Variants in LZTFL1 observed in about 807,000 individuals in gnomAD.
LZTFL1 encodes leucine zipper transcription factor like 1.
In LZTFL1, 25 loss-of-function variants were observed where a neutral mutation model predicts 45.9. The observed-to-expected ratio is 0.54, with a 90% CI of 0.40 to 0.76. The LOEUF is 0.76. LZTFL1 is among the 30% of genes least tolerant of loss of function. LZTFL1 has a pLI of 0.00. For missense variants in LZTFL1, 277 were observed against 331.1 expected (o/e 0.84, Z 1.27); for synonymous variants, 93 against 117.4 (o/e 0.79, Z 1.35).
chr3:45,856,677 C>T (rs1199508264), intron 3 of LZTFL1, among the ~76,000 whole-genome samples: 1 of 151,848 alleles, frequency 6.6e-6, no homozygotes, highest in African/African-American at 2.4e-5. Context: ...AACTTAAATA[C>T]ATTTACAAGA....
At chr3:45,899,915 A>T (rs1187629538) in intron 2 of LZTFL1, among the ~76,000 whole-genome samples, 1 of 152,054 alleles carries the variant, frequency 6.6e-6, no homozygotes, top group African/African-American at 2.4e-5. Context: ...AAAGTGTAAG[A>T]AGTGTGTGTG....
intron 2 of LZTFL1, among the ~76,000 whole-genome samples, chr3:45,909,580 C>A (rs1702750716): frequency 6.6e-6 from 1 of 152,208 alleles, no homozygotes; most frequent in Non-Finnish European, 1.5e-5. Flanking sequence ...AAAACTCATG[C>A]TCTTATCCTT....
intron 2 of LZTFL1, among the ~76,000 whole-genome samples, chr3:45,876,149 G>C (rs529440570): frequency 6.6e-6 from 1 of 152,288 alleles, no homozygotes; most frequent in East Asian, 1.9e-4. Flanking sequence ...CCTGGACCAG[G>C]GTGGGAATCA....
At position 45,826,346 on chromosome 3, in the gene LZTFL1, T is replaced by C; in HGVS notation, c.882-14A>G. On this transcript the variant is annotated splice_polypyrimidine_tract_variant and intron_variant, in intron 9 of 9. Transcript: ENST00000296135. Reference sequence around the variant, plus strand: ...TCAGGTTCATATCTGGAGATATAAATTAAGAACACAATGTCAGGATACCTT... The same window carrying C: ...TCAGGTTCATATCTGGAGATATAAACTAAGAACACAATGTCAGGATACCTT... The C allele has an allele frequency of 6.2e-7, 1 of 1,607,172 alleles. No individual in the cohort carries two copies. The highest frequency in any genetic ancestry group is 8.5e-7 in the Non-Finnish European group (1 of 1,174,510).
At chr3:45,897,016 G>C (rs1702377507) in intron 2 of LZTFL1, among the ~76,000 whole-genome samples, 1 of 152,180 alleles carries the variant, frequency 6.6e-6, no homozygotes, top group Non-Finnish European at 1.5e-5. Context: ...GGACGCCTGG[G>C]CTGCTGCTTC....
chr3:45,876,928 C>A (rs1701756672), intron 2 of LZTFL1, among the ~76,000 whole-genome samples: 1 of 152,080 alleles, frequency 6.6e-6, no homozygotes, highest in South Asian at 2.1e-4. Flanking sequence ...AACTATTCCC[C>A]CAGCCTTCCT....
chr3:45,894,954 A>G, intron 2 of LZTFL1: 1 of 1,613,930 alleles, frequency 6.2e-7, no homozygotes, highest in Non-Finnish European at 8.5e-7. Context: ...CAGACTTCAC[A>G]GTGAGTACAG....
intron 1 of LZTFL1, among the ~76,000 whole-genome samples, chr3:45,841,419 C>A (rs965391987): frequency 2.0e-5 from 3 of 152,158 alleles, no homozygotes; most frequent in African/African-American, 7.2e-5. Flanking sequence ...ACCCAAATTC[C>A]TCAGCTGTAA....
Position 45,900,860 on chromosome 3 carries a change from C to A in LZTFL1, c.-215+12260G>T, listed in dbSNP as rs1257545282. On this transcript the variant is annotated intron_variant, in intron 2 of 4. Coordinates refer to the LZTFL1 transcript ENST00000472635. This position sits in a 1 kb window ranked among gnomAD's most constrained non-coding sequence, Gnocchi z 4.7. The stretch of plus-strand genomic sequence containing the variant: ...ACTATGGCTCTGAATCCACATCTTC[C>A]ATGGAAGACTACGTTAACTTCAACT... 3.7e-6 allele frequency: 6 copies of A among 1,613,964 alleles called. No homozygotes were observed. Among genetic ancestry groups the A allele is most frequent in the Non-Finnish European group, 5.1e-6 (6 of 1,179,940 alleles).
intron 2 of LZTFL1, chr3:45,895,104 G>A: frequency 1.2e-6 from 1 of 833,828 alleles, no homozygotes; most frequent in Non-Finnish European, 2.0e-6. Context: ...TTGCTGGGTA[G>A]GTTGTTGTCC....
Position 45,847,857 on chromosome 3 carries a change from G to T in LZTFL1, c.-49+7129C>A, listed in dbSNP as rs572840246. 7.8e-4 allele frequency among the ~76,000 whole-genome samples: 119 copies of T among 152,264 alleles called. 1 individual carries two copies. Among genetic ancestry groups the T allele is most frequent in the African/African-American group, 2.7e-3 (112 of 41,550 alleles). ...TCTTTATGAATAAATGTCCTTTGTG[G>T]TATCTTTTTTCCCAGAATGGGGCAT... On this transcript the variant is annotated intron_variant, in intron 4 of 4. Coordinates refer to the LZTFL1 transcript ENST00000472635.
chr3:45,912,011 GCTCCATC>G (rs1353753745), intron 2 of LZTFL1, among the ~76,000 whole-genome samples: 1 of 152,252 alleles, frequency 6.6e-6, no homozygotes, highest in Admixed American at 6.5e-5. Flanking sequence ...AGCCCCACCA[GCTCCATC>G]TGCCAAGGCA....
chr3:45,882,780 A>G (rs1209862543), intron 2 of LZTFL1, among the ~76,000 whole-genome samples: 1 of 148,960 alleles, frequency 6.7e-6, no homozygotes, highest in African/African-American at 2.5e-5. Context: ...CACTTGGTCC[A>G]TAACCCAAAG....
At chr3:45,830,775 C>T (rs1048963523) in intron 7 of LZTFL1, 138 bp downstream of exon 7, 8 of 725,962 alleles carry the variant, frequency 1.1e-5, no homozygotes, top group Non-Finnish European at 1.8e-5. Flanking sequence ...AAGAATGTCC[C>T]AACACATGAC....
chr3:45,848,551 T>C (rs1432923970), intron 4 of LZTFL1, among the ~76,000 whole-genome samples: 1 of 152,240 alleles, frequency 6.6e-6, no homozygotes, highest in Non-Finnish European at 1.5e-5. Flanking sequence ...TGGAGATAAT[T>C]AGCCTCATAG....
At chr3:45,880,590 C>A (rs1490499703) in intron 2 of LZTFL1, among the ~76,000 whole-genome samples, 1 of 152,184 alleles carries the variant, frequency 6.6e-6, no homozygotes, top group Admixed American at 6.5e-5. Flanking sequence ...AAACTACTGG[C>A]CCAGCCTCAA....
rs774285913 is a variant in LZTFL1, at chr3:45,834,261, C to T, written c.361G>A (p.Glu121Lys). 9.4e-6 allele frequency: 15 copies of T among 1,596,142 alleles called. No homozygotes were observed. The Admixed American group carries it at 1.7e-4, about 18-fold the overall frequency. ...LEQVAEFEKA[E>K]ITSSNKKPIL... ...ACCTTTTTGTTTGAAGATGTAATCT[C>T]TGCTTTTTCAAATTCTGCAACTTGT... Residue 121 changes from glutamate (E) to lysine (K), a missense_variant, in exon 4 of 10, where the codon GAG becomes AAG. Glu to Lys is a moderately conservative substitution (Grantham distance 56). Coordinates refer to ENST00000296135, the MANE Select transcript of LZTFL1 (RefSeq NM_020347.4).
At chr3:45,891,183 G>A (rs1341852621) in intron 2 of LZTFL1, among the ~76,000 whole-genome samples, 2 of 152,218 alleles carry the variant, frequency 1.3e-5, no homozygotes, top group Admixed American at 6.5e-5. Context: ...GAATGCCCAG[G>A]TGGCTGGGTA....
intron 4 of LZTFL1, among the ~76,000 whole-genome samples, chr3:45,851,138 G>A (rs554567894): frequency 4.0e-5 from 6 of 151,886 alleles, no homozygotes; most frequent in South Asian, 2.1e-4. Context: ...AATGCTTCTC[G>A]CTAATCATCA....
Sources: gnomAD v4.1 joint callset for allele counts (sites outside exome capture counted in the v4.1 genomes callset) on GRCh38, gnomAD v4.1.1 for gene constraint, Gnocchi (gnomAD v3.1) non-coding constraint, MANE v1.5 for transcripts, NCBI Gene and HGNC (gene_info 2026-07-23, HGNC 2026-07-21) for gene names.